SYT9: variants seen among roughly 807,000 people sequenced by gnomAD.
SYT9 encodes synaptotagmin 9, also known as synaptotagmin-9.
In SYT9, 22 loss-of-function variants were observed where a neutral mutation model predicts 48.4. The observed-to-expected ratio is 0.45, with a 90% CI of 0.32 to 0.65. The LOEUF (loss-of-function observed/expected upper bound fraction) is 0.65. Ranked by LOEUF, SYT9 falls within the 30% of genes least tolerant of loss-of-function variation. The pLI, the probability that SYT9 is intolerant of heterozygous loss-of-function variation, is 0.03. For synonymous variants in SYT9, 265 were observed against 245.0 expected, an observed-to-expected ratio of 1.08 and a Z score of -0.76; for missense variants, 577 against 622.0, an observed-to-expected ratio of 0.93 and a Z score of 0.77.
chr11:7,349,967 A>T (rs1268803540), intron 3 of SYT9, among the ~76,000 whole-genome samples: 1 of 152,184 alleles, frequency 6.6e-6, no homozygotes, highest in South Asian at 2.1e-4. Context: ...TGAATCCAGT[A>T]CACTTCAGAG....
At chr11:7,452,075 A>G (rs1460650333) in intron 6 of SYT9, among the ~76,000 whole-genome samples, 3 of 151,314 alleles carry the variant, frequency 2.0e-5, no homozygotes, top group African/African-American at 7.3e-5. Flanking sequence ...AAGGGTCACT[A>G]AGTAAGACAG....
At chr11:7,320,964 G>A (rs1318148678) in intron 3 of SYT9, among the ~76,000 whole-genome samples, 1 of 151,982 alleles carries the variant, frequency 6.6e-6, no homozygotes, top group East Asian at 1.9e-4. Context: ...CGATCCTCTT[G>A]GCATTTTTAG....
intron 3 of SYT9, among the ~76,000 whole-genome samples, chr11:7,394,645 C>T (rs578093639): frequency 1.2e-4 from 19 of 152,112 alleles, no homozygotes; most frequent in African/African-American, 4.3e-4. Context: ...TTTCATTGAT[C>T]ATCTGTATGT....
intron 3 of SYT9, among the ~76,000 whole-genome samples, chr11:7,332,727 A>C (rs1849561931): frequency 6.6e-6 from 1 of 152,204 alleles, no homozygotes; most frequent in African/African-American, 2.4e-5. Flanking sequence ...GCTGAGGTGG[A>C]CTTTTGCTGC....
At chr11:7,386,490 T>C (rs931292444) in intron 3 of SYT9, among the ~76,000 whole-genome samples, 9 of 151,026 alleles carry the variant, frequency 6.0e-5, no homozygotes, top group South Asian at 4.2e-4. Context: ...GGGTGAAGGA[T>C]ATGAACAGAC....
chr11:7,363,204 C>T (rs1378392028), intron 3 of SYT9, among the ~76,000 whole-genome samples: 3 of 151,954 alleles, frequency 2.0e-5, no homozygotes, highest in Non-Finnish European at 2.9e-5. Flanking sequence ...TCTACTCTTG[C>T]TGCTACTACA....
At chr11:7,270,138 T>G (rs10500688) in intron 1 of SYT9, among the ~76,000 whole-genome samples, 51,831 of 152,016 alleles carry the variant, frequency 0.34, 8,991 homozygotes, top group South Asian at 0.42. Flanking sequence ...AATTCTTTGG[T>G]AACTCCTTAA....
intron 6 of SYT9, among the ~76,000 whole-genome samples, chr11:7,446,393 T>C (rs112557791): frequency 5.3e-5 from 8 of 152,316 alleles, no homozygotes; most frequent in African/African-American, 1.7e-4. Context: ...AGTATCATTA[T>C]TATTAAAGGA....
chr11:7,400,261 T>C (rs1242309045), intron 3 of SYT9, among the ~76,000 whole-genome samples: 1 of 152,198 alleles, frequency 6.6e-6, no homozygotes, highest in East Asian at 1.9e-4. Flanking sequence ...TATACAGGCC[T>C]GACACAACTT....
intron 6 of SYT9, chr11:7,458,086 T>C (rs1478530131): frequency 1.3e-5 from 2 of 152,238 alleles, no homozygotes; most frequent in East Asian, 3.8e-4. Context: ...GTGCTGAAGA[T>C]ACATTTTTAG....
rs751825510 is a variant in SYT9, at chr11:7,303,335, T to A, written c.442T>A (p.Cys148Ser). The A allele has an allele frequency of 6.2e-7, 1 of 1,613,638 alleles. No individual in the cohort carries two copies. The highest frequency in any genetic ancestry group is 8.5e-7 in the Non-Finnish European group (1 of 1,180,012). Residue 148 changes from cysteine (C) to serine (S), a missense_variant, in exon 2 of 7, where the codon TGT becomes AGT. By Grantham distance (112) the Cys-to-Ser change is moderately radical (BLOSUM62 -1). Transcript: ENST00000318881. The stretch of plus-strand genomic sequence containing the variant: ...CACCCAGACGGGGATCCAGGAGAAC[T>A]GTGCCCATGGCGTCCGCGTGCAGCG... ...LSTQTGIQEN[C>S]AHGVRVQRQV...
chr11:7,438,769 A>T (rs1010863638), intron 6 of SYT9: 1 of 152,196 alleles, frequency 6.6e-6, no homozygotes, highest in Admixed American at 6.6e-5. Context: ...TGCTGTGCAC[A>T]TTGAAACTGC....
intron 3 of SYT9, among the ~76,000 whole-genome samples, chr11:7,402,419 A>G (rs533439438): frequency 2.8e-4 from 42 of 152,246 alleles, no homozygotes; most frequent in Admixed American, 1.6e-3. Context: ...ATTACTACTA[A>G]TAGAGCAGTG....
At chr11:7,340,764 G>A (rs1021425410) in intron 3 of SYT9, among the ~76,000 whole-genome samples, 2 of 152,228 alleles carry the variant, frequency 1.3e-5, no homozygotes, top group Non-Finnish European at 2.9e-5. Flanking sequence ...TTCCCACTGG[G>A]AGTTCTGTCC....
Position 7,384,079 on chromosome 11 carries a change from C to G in SYT9, c.1045-31963C>G, listed in dbSNP as rs1012629887. ...TTCACTAGCCACACACACACACACA[C>G]ACACACACACACACCCTCACACCTT... On this transcript the variant is annotated intron_variant, in intron 3 of 6. Transcript: ENST00000318881. Among the ~76,000 whole-genome samples, 22 of 152,030 alleles carry G rather than the reference C, an allele frequency of 1.4e-4. No homozygotes were observed. The East Asian group carries it at 4.1e-3, about 28-fold the overall frequency.
rs181192234 is a variant in SYT9, at chr11:7,373,098, C to T, written c.1045-42944C>T. 1.6e-3 allele frequency among the ~76,000 whole-genome samples: 240 copies of T among 152,060 alleles called. 1 individual carries two copies. Among genetic ancestry groups the T allele is most frequent in the Middle Eastern group, 0.01 (3 of 294 alleles). On this transcript the variant is annotated intron_variant, in intron 3 of 6. Coordinates refer to ENST00000318881, the MANE Select transcript of SYT9 (RefSeq NM_175733.4). ...TCTGGGATAAATCCTACTTGGCCGACGTGTATTCTTAATACTGATAGATTT... is the reference window on the plus strand; with the variant it reads ...TCTGGGATAAATCCTACTTGGCCGATGTGTATTCTTAATACTGATAGATTT...
At chr11:7,332,902 C>T (rs1358737759) in intron 3 of SYT9, among the ~76,000 whole-genome samples, 1 of 152,224 alleles carries the variant, frequency 6.6e-6, no homozygotes, top group Admixed American at 6.5e-5. Context: ...TAAGGGAGAA[C>T]ATTCCCCTGG....
intron 6 of SYT9, among the ~76,000 whole-genome samples, chr11:7,466,151 C>T (rs910898693): frequency 3.9e-5 from 6 of 152,208 alleles, no homozygotes; most frequent in African/African-American, 1.4e-4. Flanking sequence ...AGTCTCTTTC[C>T]TCTACCCCAA....
At chr11:7,311,179 G>A (rs1002343494) in intron 2 of SYT9, among the ~76,000 whole-genome samples, 4 of 152,154 alleles carry the variant, frequency 2.6e-5, no homozygotes, top group Non-Finnish European at 4.4e-5. Flanking sequence ...GCGCATGCCT[G>A]TAATCCCAGC....
Sources: gnomAD v4.1 joint callset for allele counts (sites outside exome capture counted in the v4.1 genomes callset) on GRCh38, gnomAD v4.1.1 for gene constraint, MANE v1.5 for transcripts, NCBI Gene and HGNC (gene_info 2026-07-23, HGNC 2026-07-21) for gene names.